The following EMP2 variants were observed in gnomAD, a reference collection of about 807,000 sequenced individuals.
EMP2 encodes epithelial membrane protein 2.
In EMP2, 19 loss-of-function variants were observed where a neutral mutation model predicts 13.7. The observed-to-expected ratio is 1.38, with a 90% CI of 0.97 to 2.03. The LOEUF is 2.03. Ranked by LOEUF, EMP2 falls within the 30% of genes most tolerant of loss-of-function variation. EMP2 has a pLI of 0.00. For synonymous variants in EMP2, 97 were observed against 84.7 expected (o/e 1.15, Z -0.80); for missense variants, 253 against 220.7 (o/e 1.15, Z -0.93).
chr16:10,578,311 G>C (rs986408664), intron 1 of EMP2: 6 of 152,204 alleles, frequency 3.9e-5, no homozygotes, highest in African/African-American at 1.4e-4. Context: ...TGTGGTTTTA[G>C]CTCCTACTAC....
intron 1 of EMP2, among the ~76,000 whole-genome samples, chr16:10,565,437 AC>A (rs1326956090): frequency 6.6e-6 from 1 of 152,180 alleles, no homozygotes; most frequent in African/African-American, 2.4e-5. Flanking sequence ...CCAGCAAATG[AC>A]CTTCAGACTT....
chr16:10,554,463 T>C (rs902279683), intron 1 of EMP2, among the ~76,000 whole-genome samples: 3 of 152,116 alleles, frequency 2.0e-5, no homozygotes, highest in African/African-American at 4.8e-5. Flanking sequence ...CCCCAGGGCT[T>C]TTCCAAGTGG....
chr16:10,539,293 C>T (rs2050675969), intron 3 of EMP2, among the ~76,000 whole-genome samples: 2 of 152,124 alleles, frequency 1.3e-5, no homozygotes, highest in South Asian at 4.1e-4. Context: ...TGCCTGAAAA[C>T]TCACTGGAGT....
intron 1 of EMP2, among the ~76,000 whole-genome samples, chr16:10,555,968 A>AT (rs1351505667): frequency 3.9e-5 from 6 of 152,120 alleles, no homozygotes; most frequent in African/African-American, 1.4e-4. Context: ...ATGCACTTCT[A>AT]TTTCTTGGTT....
chr16:10,576,006 C>T (rs1230174437), intron 1 of EMP2, among the ~76,000 whole-genome samples: 2 of 152,096 alleles, frequency 1.3e-5, no homozygotes, highest in South Asian at 2.1e-4. Context: ...TCCCCAAAAG[C>T]AGGCACTCTA....
intron 3 of EMP2, 100 bp downstream of exon 3, chr16:10,543,470 G>C (rs2050716165): frequency 5.2e-6 from 7 of 1,340,898 alleles, no homozygotes; most frequent in Non-Finnish European, 7.5e-6. Context: ...TATGCAGTGA[G>C]TGGAGGAGAG....
chr16:10,533,110 G>T lies in EMP2; in HGVS notation c.317-18C>A. 1.3e-6 allele frequency: 2 copies of T among 1,535,606 alleles called. No homozygotes were observed. The highest frequency in any genetic ancestry group is 1.7e-4 in the Middle Eastern group (1 of 5,826). ...ACACAGACCTGTCAGGAAGAAAGGT[G>T]AATTTTCAATAAATCATGGACCACA... is the stretch of plus-strand genomic sequence containing the variant. On this transcript the variant is annotated intron_variant, in intron 4 of 4. Transcript: ENST00000359543.
intron 1 of EMP2, among the ~76,000 whole-genome samples, chr16:10,574,190 G>A (rs1244353916): frequency 6.6e-6 from 1 of 152,026 alleles, no homozygotes; most frequent in African/African-American, 2.4e-5. Flanking sequence ...TGCCTGCCTT[G>A]GCCTCCCAAA....
chr16:10,543,758 T>C, intron 2 of EMP2, 98 bp from the exon 3 acceptor site: 1 of 1,127,536 alleles, frequency 8.9e-7, no homozygotes, highest in Non-Finnish European at 1.3e-6. Flanking sequence ...TCCAGGATTC[T>C]CAAACTGCAA....
chr16:10,546,773 C>A (rs1469264104), intron 2 of EMP2: 2 of 152,266 alleles, frequency 1.3e-5, no homozygotes, highest in East Asian at 3.8e-4. Flanking sequence ...CGTTGCTGAA[C>A]TTCCTACAAT....
rs2050591212 is a variant in EMP2 at position 10,530,584 on chromosome 16, C to T, written c.*2321G>A. The T allele has an allele frequency of 6.6e-6, 1 of 151,312 alleles. No individual in the cohort carries two copies. Among genetic ancestry groups the T allele is most frequent in the South Asian group, 2.2e-4 (1 of 4,524 alleles). 9.4% of individuals were successfully genotyped at this position (151,312 alleles called of 1,614,324 possible). ...AAGAGCTTATCTCCTGGGATGGTTCCTGGGTGGTCTGCATTGCCACACAGC... is the reference window on the plus strand; with the variant it reads ...AAGAGCTTATCTCCTGGGATGGTTCTTGGGTGGTCTGCATTGCCACACAGC... On this transcript the variant is annotated 3_prime_UTR_variant, in exon 5 of 5. Coordinates refer to ENST00000359543, the MANE Select transcript of EMP2 (RefSeq NM_001424.6).
intron 3 of EMP2, among the ~76,000 whole-genome samples, chr16:10,542,978 T>C (rs1424701834): frequency 5.9e-5 from 9 of 152,228 alleles, no homozygotes; most frequent in Non-Finnish European, 1.2e-4. Flanking sequence ...CCTCAGTGGC[T>C]GGGATTACAG....
chr16:10,578,671 T>C (rs1019522590), intron 1 of EMP2, among the ~76,000 whole-genome samples: 4 of 152,164 alleles, frequency 2.6e-5, no homozygotes, highest in Non-Finnish European at 5.9e-5. Context: ...ACAAACACAT[T>C]CTCTGGATTT....
At chr16:10,549,154 T>C (rs925093474) in intron 1 of EMP2, among the ~76,000 whole-genome samples, 3 of 152,218 alleles carry the variant, frequency 2.0e-5, no homozygotes, top group African/African-American at 7.2e-5. Flanking sequence ...AATAAACCTC[T>C]GGATGTTAAA....
At chr16:10,543,509 A>G (rs1207487382) in intron 3 of EMP2, 61 bp downstream of exon 3, 3 of 1,580,230 alleles carry the variant, frequency 1.9e-6, no homozygotes, top group Non-Finnish European at 2.6e-6. Flanking sequence ...CCGAAGCCTC[A>G]CTCCTGACCG....
rs1366789001 is a variant in EMP2, at chr16:10,580,107, C to CT, written c.-61+441dup. Among the ~76,000 whole-genome samples the CT allele has an allele frequency of 6.6e-6, 1 of 152,152 alleles. No individual in the cohort carries two copies. Among genetic ancestry groups the CT allele is most frequent in the Non-Finnish European group, 1.5e-5 (1 of 68,018 alleles). The stretch of plus-strand genomic sequence containing the variant: ...GGCGCGACGGAGCAGCGGCGGGGGC[C>CT]TAGAGGGGTACGCAGCCCAGGAGGA... On this transcript the variant is annotated intron_variant, in intron 1 of 4. Coordinates refer to ENST00000359543, the MANE Select transcript of EMP2 (RefSeq NM_001424.6). The surrounding 1 kb of genome is among the most constrained non-coding windows in gnomAD (Gnocchi z 4.3).
intron 4 of EMP2, among the ~76,000 whole-genome samples, chr16:10,534,156 G>C (rs1243922887): frequency 1.3e-5 from 2 of 152,084 alleles, no homozygotes; most frequent in Non-Finnish European, 2.9e-5. Context: ...AGAGAGCGAT[G>C]AGGGAGGAGA....
chr16:10,537,766 A>C (rs546722737), intron 4 of EMP2, among the ~76,000 whole-genome samples, 162 bp downstream of exon 4: 2 of 150,760 alleles, frequency 1.3e-5, no homozygotes, highest in Admixed American at 1.3e-4. Context: ...GCGCCCACAC[A>C]CACACACACA....
chr16:10,539,132 T>C (rs149344531), intron 3 of EMP2, among the ~76,000 whole-genome samples: 4 of 151,462 alleles, frequency 2.6e-5, no homozygotes, highest in Admixed American at 6.6e-5. Flanking sequence ...AAGGTGGGAG[T>C]CCTGTGTAAG....
Sources: gnomAD v4.1 joint callset for allele counts (sites outside exome capture counted in the v4.1 genomes callset) on GRCh38, gnomAD v4.1.1 for gene constraint, Gnocchi (gnomAD v3.1) non-coding constraint, MANE v1.5 for transcripts, NCBI Gene and HGNC (gene_info 2026-07-23, HGNC 2026-07-21) for gene names.